CACNA2D1: variants seen among roughly 807,000 people sequenced by gnomAD.
CACNA2D1 encodes calcium voltage-gated channel auxiliary subunit alpha2delta 1.
CACNA2D1 carries 53 observed loss-of-function variants against 171.5 expected under a neutral mutation model. The observed-to-expected ratio is 0.31, with a 90% CI of 0.25 to 0.39. CACNA2D1 has a LOEUF of 0.39. Among genes scored for constraint, CACNA2D1 ranks in the 10% least tolerant of loss-of-function variants. CACNA2D1 has a pLI of 1.00. For missense variants in CACNA2D1, 903 were observed against 1,299.8 expected, an observed-to-expected ratio of 0.69 and a Z score of 4.69; for synonymous variants, 442 against 443.1, an observed-to-expected ratio of 1.00 and a Z score of 0.03.
intron 3 of CACNA2D1, among the ~76,000 whole-genome samples, chr7:82,294,126 G>A (rs989053044): frequency 3.9e-5 from 6 of 152,032 alleles, no homozygotes; most frequent in South Asian, 4.1e-4. Flanking sequence ...AAGCCACCAT[G>A]CTTAATCAAA....
rs75675572 is a variant in CACNA2D1 at position 82,342,294 on chromosome 7, A to C, written c.178-7043T>G. 5.1e-3 allele frequency among the ~76,000 whole-genome samples: 778 copies of C among 152,248 alleles called. 21 individuals are homozygous for C. In the East Asian group the frequency reaches 0.081, roughly 16 times the overall value. On this transcript the variant is annotated intron_variant, in intron 2 of 38. Coordinates refer to ENST00000356860, the MANE Select transcript of CACNA2D1 (RefSeq NM_000722.4). ...AGTATTTTCTATTCCCCTTCACCAC[A>C]AGGTAAATCTCAAGAAGACAAAGAT...
At chr7:82,212,992 C>T (rs966767864) in intron 3 of CACNA2D1, among the ~76,000 whole-genome samples, 4 of 151,898 alleles carry the variant, frequency 2.6e-5, no homozygotes, top group African/African-American at 9.7e-5. Flanking sequence ...TCTCTGCCTC[C>T]CAGGTTCACA....
chr7:82,268,070 T>G (rs117099940), intron 3 of CACNA2D1, among the ~76,000 whole-genome samples: 4 of 152,236 alleles, frequency 2.6e-5, no homozygotes, highest in Non-Finnish European at 5.9e-5. Flanking sequence ...AAATAAAGAA[T>G]TAACAATTAT....
intron 5 of CACNA2D1, among the ~76,000 whole-genome samples, chr7:82,125,653 G>A (rs1277838653): frequency 2.0e-5 from 3 of 152,066 alleles, no homozygotes; most frequent in African/African-American, 7.2e-5. Context: ...CGAGGTGGGA[G>A]GATACCTTGA....
chr7:82,303,422 GA>G (rs981238840), intron 3 of CACNA2D1, among the ~76,000 whole-genome samples: 3 of 113,248 alleles, frequency 2.6e-5, no homozygotes, highest in Non-Finnish European at 3.8e-5. Context: ...CACAGAAATA[GA>G]AAAAAAAATT....
intron 4 of CACNA2D1, among the ~76,000 whole-genome samples, chr7:82,153,374 T>A (rs1410288733): frequency 1.3e-5 from 2 of 152,022 alleles, no homozygotes; most frequent in East Asian, 3.9e-4. Context: ...GGTGGCAGAT[T>A]ATATATGATT....
At chr7:82,416,218 A>AAATAAT (rs559669190) in intron 1 of CACNA2D1, among the ~76,000 whole-genome samples, 1 of 151,512 alleles carries the variant, frequency 6.6e-6, no homozygotes, top group African/African-American at 2.4e-5. Flanking sequence ...CTGTCTCAAA[A>AAATAAT]AATAATAATA....
At chr7:82,189,374 T>C in intron 3 of CACNA2D1, among the ~76,000 whole-genome samples, 1 of 152,030 alleles carries the variant, frequency 6.6e-6, no homozygotes, top group South Asian at 2.1e-4. Context: ...AATTTTTCCA[T>C]TTAGCTGATA....
chr7:82,122,549 A>G (rs2129058996), intron 5 of CACNA2D1, among the ~76,000 whole-genome samples: 1 of 152,350 alleles, frequency 6.6e-6, no homozygotes, highest in East Asian at 1.9e-4. Context: ...AGGCTGATTT[A>G]AATTCCATAT....
chr7:82,096,965 C>A (rs1390419996), intron 6 of CACNA2D1, among the ~76,000 whole-genome samples: 1 of 152,072 alleles, frequency 6.6e-6, no homozygotes, highest in Non-Finnish European at 1.5e-5. Flanking sequence ...CTTTGCATAA[C>A]AGACCCTATG....
intron 3 of CACNA2D1, among the ~76,000 whole-genome samples, chr7:82,218,211 G>A (rs528094811): frequency 6.6e-6 from 1 of 152,190 alleles, no homozygotes; most frequent in Admixed American, 6.5e-5. Flanking sequence ...TGGGATTACA[G>A]GTGTAAGCCA....
At chr7:82,195,309 G>A (rs770226066) in intron 3 of CACNA2D1, among the ~76,000 whole-genome samples, 1 of 151,888 alleles carries the variant, frequency 6.6e-6, no homozygotes, top group Non-Finnish European at 1.5e-5. Flanking sequence ...AACACTTCAT[G>A]TAAAATGGGG....
chr7:82,105,551 T>C (rs905988657), intron 6 of CACNA2D1, among the ~76,000 whole-genome samples: 5 of 151,706 alleles, frequency 3.3e-5, no homozygotes, highest in East Asian at 1.9e-4. Context: ...AGGAGCCATT[T>C]TGAGTATAAA....
chr7:82,319,801 AAT>A (rs1385315954), intron 3 of CACNA2D1, among the ~76,000 whole-genome samples: 1 of 152,232 alleles, frequency 6.6e-6, no homozygotes, highest in Non-Finnish European at 1.5e-5. Flanking sequence ...ATTGGGGAGT[AAT>A]GAGTCCTGAG....
At chr7:82,416,851 T>C (rs1263413139) in intron 1 of CACNA2D1, among the ~76,000 whole-genome samples, 1 of 152,190 alleles carries the variant, frequency 6.6e-6, no homozygotes, top group African/African-American at 2.4e-5. Context: ...AGCAGTCTCA[T>C]ATGTAATGCC....
intron 1 of CACNA2D1, among the ~76,000 whole-genome samples, chr7:82,409,809 A>G (rs1414668628): frequency 1.3e-5 from 2 of 152,170 alleles, no homozygotes; most frequent in African/African-American, 4.8e-5. Flanking sequence ...TGAGATATGC[A>G]TTGTTAGGCG....
At chr7:82,027,455 T>C (rs1291708475) in intron 12 of CACNA2D1, among the ~76,000 whole-genome samples, 3 of 151,728 alleles carry the variant, frequency 2.0e-5, no homozygotes, top group Non-Finnish European at 4.4e-5. Context: ...TCTCTCTCAA[T>C]CCCTCCTCTT....
At chr7:82,332,565 A>AGAAAGAAAGAAAGAAAGAAAGAAC (rs1491481168) in intron 3 of CACNA2D1, among the ~76,000 whole-genome samples, 5 of 109,350 alleles carry the variant, frequency 4.6e-5, no homozygotes, top group Admixed American at 9.2e-5. Flanking sequence ...AAAGAAAGAA[A>AGAAAGAAAGAAAGAAAGAAAGAAC]GAACGAACAG....
At chr7:81,997,377 A>G in intron 18 of CACNA2D1, 127 bp from the exon 19 acceptor site, 1 of 527,664 alleles carries the variant, frequency 1.9e-6, no homozygotes, top group South Asian at 2.2e-5. Context: ...GTATAAAGGT[A>G]TCTTCTTTCA....
Sources: allele counts gnomAD v4.1 joint callset (sites outside exome capture counted in the v4.1 genomes callset), GRCh38; gene constraint gnomAD v4.1.1; transcripts MANE v1.5; gene names NCBI Gene and HGNC (gene_info 2026-07-23, HGNC 2026-07-21).